GALNT14: variants seen among roughly 807,000 people sequenced by gnomAD.
GALNT14 encodes the protein UDP-GalNAc:polypeptide N-acetylgalactosaminyltransferase 14.
A neutral mutation model predicts 77.5 loss-of-function variants in GALNT14; 60 were observed. That is an observed-to-expected ratio of 0.77 (90% CI 0.63 to 0.96). The LOEUF (loss-of-function observed/expected upper bound fraction) is 0.96, where lower values mean the gene tolerates loss of function less well. GALNT14 is among the 40% of genes least tolerant of loss of function. The pLI is 0.00. For synonymous variants in GALNT14, 280 were observed against 281.7 expected (o/e 0.99, Z 0.06); for missense variants, 710 against 731.0 (o/e 0.97, Z 0.33).
intron 1 of GALNT14, among the ~76,000 whole-genome samples, chr2:31,131,752 G>A (rs753991344): frequency 1.3e-4 from 20 of 152,250 alleles, no homozygotes; most frequent in Admixed American, 2.0e-4. Flanking sequence ...GTCAGCCCAC[G>A]GCAGCCTTAT....
At chr2:30,913,954 T>C (rs1169332152) in intron 13 of GALNT14, among the ~76,000 whole-genome samples, 3 of 152,196 alleles carry the variant, frequency 2.0e-5, no homozygotes, top group African/African-American at 7.2e-5. Flanking sequence ...GAAGTTCTTC[T>C]CTGGCCTTGT....
intron 1 of GALNT14, among the ~76,000 whole-genome samples, chr2:31,025,268 C>T (rs1474023972): frequency 6.6e-6 from 1 of 152,126 alleles, no homozygotes; most frequent in African/African-American, 2.4e-5. Context: ...TGATAGGCCT[C>T]GATCCCATTG....
chr2:31,116,657 C>CA (rs1678120387), intron 1 of GALNT14, among the ~76,000 whole-genome samples: 2 of 152,024 alleles, frequency 1.3e-5, no homozygotes, highest in African/African-American at 2.4e-5. Context: ...TCCAGTAGCT[C>CA]AAAAAATGAC....
chr2:30,957,256 T>C (rs1049468036), intron 4 of GALNT14, among the ~76,000 whole-genome samples: 4 of 152,176 alleles, frequency 2.6e-5, no homozygotes, highest in Non-Finnish European at 4.4e-5. Context: ...ATATAAACCA[T>C]ATATACCATC....
At chr2:30,940,525 C>A (rs575352590) in intron 9 of GALNT14, among the ~76,000 whole-genome samples, 1 of 152,130 alleles carries the variant, frequency 6.6e-6, no homozygotes, top group Non-Finnish European at 1.5e-5. Flanking sequence ...TGTGAAATAG[C>A]GAATGCATCA....
At chr2:31,046,223 T>C (rs965715437) in intron 1 of GALNT14, among the ~76,000 whole-genome samples, 9 of 143,020 alleles carry the variant, frequency 6.3e-5, no homozygotes, top group Non-Finnish European at 6.0e-5. Flanking sequence ...CTGGAACCCA[T>C]ATTCTTTTTT....
intron 1 of GALNT14, among the ~76,000 whole-genome samples, chr2:31,133,835 A>C (rs1679097894): frequency 6.9e-6 from 1 of 145,888 alleles, no homozygotes; most frequent in South Asian, 2.2e-4. Context: ...TAGAAATTAG[A>C]GCTTTGCTGG....
intron 1 of GALNT14, among the ~76,000 whole-genome samples, chr2:31,069,145 T>C (rs1558543908): frequency 1.3e-5 from 2 of 152,188 alleles, no homozygotes; most frequent in Admixed American, 6.5e-5. Context: ...GTAGACTGTA[T>C]GGTATGTAGA....
At chr2:31,097,524 C>CA (rs56242365) in intron 1 of GALNT14, among the ~76,000 whole-genome samples, 65,638 of 137,016 alleles carry the variant, frequency 0.48, 14,889 homozygotes, top group Middle Eastern at 0.54. Context: ...AACAAACAAG[C>CA]AAAAAAAAAA....
intron 1 of GALNT14, among the ~76,000 whole-genome samples, chr2:31,100,653 A>G (rs527766275): frequency 9.3e-4 from 141 of 152,068 alleles, no homozygotes; most frequent in African/African-American, 3.3e-3. Flanking sequence ...TGTTTCCTCA[A>G]TAAGCATAAT....
chr2:30,999,108 G>A (rs1425011917), intron 1 of GALNT14, among the ~76,000 whole-genome samples: 1 of 152,196 alleles, frequency 6.6e-6, no homozygotes, highest in Admixed American at 6.5e-5. Flanking sequence ...GTAGAAGAAG[G>A]TCAGAGTAGA....
At chr2:30,955,808 G>A in intron 5 of GALNT14, 69 bp from the exon 6 acceptor site, 4 of 1,608,988 alleles carry the variant, frequency 2.5e-6, no homozygotes, top group Non-Finnish European at 3.4e-6. Context: ...CCAGGGAGAA[G>A]CCACCCAGCA....
intron 1 of GALNT14, among the ~76,000 whole-genome samples, chr2:31,049,610 G>T (rs1673709128): frequency 6.6e-6 from 1 of 152,204 alleles, no homozygotes; most frequent in African/African-American, 2.4e-5. Flanking sequence ...TGGGGGAGAT[G>T]TCAGACTGGG....
the GALNT14 span, among the ~76,000 whole-genome samples, chr2:30,888,421 A>G: frequency 3.3e-5 from 5 of 152,206 alleles, no homozygotes; most frequent in Admixed American, 2.0e-4. Context: ...GGATACTGTA[A>G]TTATTACCCC....
At chr2:31,110,118 A>G (rs1677762229) in intron 1 of GALNT14, among the ~76,000 whole-genome samples, 1 of 152,148 alleles carries the variant, frequency 6.6e-6, no homozygotes, top group South Asian at 2.1e-4. Flanking sequence ...TCATCTTTCA[A>G]AAACTGGTTT....
intron 1 of GALNT14, among the ~76,000 whole-genome samples, chr2:31,075,849 A>G (rs1315089156): frequency 1.3e-5 from 2 of 152,182 alleles, no homozygotes; most frequent in Non-Finnish European, 2.9e-5. Flanking sequence ...AGTTCTACAG[A>G]CACATTCGTG....
intron 13 of GALNT14, among the ~76,000 whole-genome samples, chr2:30,919,061 G>T (rs1664877206): frequency 6.6e-6 from 1 of 152,176 alleles, no homozygotes. Context: ...TGGGAGACAG[G>T]TAAAAGGACG....
Position 31,015,698 on chromosome 2 carries a change from G to A in GALNT14, c.130-22691C>T, listed in dbSNP as rs533397519. 2.6e-5 allele frequency among the ~76,000 whole-genome samples: 4 copies of A among 152,304 alleles called. No individual in the cohort carries two copies. In the East Asian group the frequency reaches 7.7e-4, roughly 29 times the overall value. On this transcript the variant is annotated intron_variant, in intron 1 of 14. Coordinates refer to ENST00000349752, the MANE Select transcript of GALNT14 (RefSeq NM_024572.4). ...CTGACAAGGGCTCAACACCACGTCT[G>A]TAGTATTTTTGCCAAAAACACGTAG...
intron 2 of GALNT14, among the ~76,000 whole-genome samples, chr2:30,980,371 C>G (rs890289613): frequency 6.6e-6 from 1 of 152,264 alleles, no homozygotes; most frequent in African/African-American, 2.4e-5. Flanking sequence ...CCCCCTCTTG[C>G]CTGGGTGACT....
Sources: allele counts gnomAD v4.1 joint callset (sites outside exome capture counted in the v4.1 genomes callset), GRCh38; gene constraint gnomAD v4.1.1; transcripts MANE v1.5; gene names NCBI Gene and HGNC (gene_info 2026-07-23, HGNC 2026-07-21).